Variants in NELL2 observed in about 807,000 individuals in gnomAD.
NELL2 encodes neural EGFL like 2.
NELL2 carries 41 observed loss-of-function variants against 109.6 expected under a neutral mutation model. The observed-to-expected ratio is 0.37, with a 90% confidence interval of 0.29 to 0.49. NELL2 has a LOEUF of 0.49. NELL2 is among the 20% of genes least tolerant of loss of function. The pLI is 0.98. For missense variants in NELL2, 900 were observed against 1,008.3 expected (o/e 0.89, Z 1.45); for synonymous variants, 355 against 344.7 (o/e 1.03, Z -0.33).
At chr12:44,686,018 C>T (rs146345444) in intron 12 of NELL2, among the ~76,000 whole-genome samples, 5,502 of 152,234 alleles carry the variant, frequency 0.036, 357 homozygotes, top group African/African-American at 0.13. Context: ...TGTTTTCCAA[C>T]TTGGTTCCAT....
chr12:44,540,601 C>A (rs1942509360), intron 15 of NELL2, among the ~76,000 whole-genome samples: 2 of 151,906 alleles, frequency 1.3e-5, no homozygotes, highest in African/African-American at 4.8e-5. Context: ...CAGTTACCCT[C>A]AAAGGGCAGA....
Position 44,577,491 on chromosome 12 carries a change from T to TTCC in NELL2, c.1663+29677_1663+29678insGGA, listed in dbSNP as rs1339996401. On this transcript the variant is annotated intron_variant, in intron 15 of 19. Coordinates refer to ENST00000429094, the MANE Select transcript of NELL2 (RefSeq NM_001145108.2). The stretch of plus-strand genomic sequence containing the variant: ...TTTTTTTTTTTTTTTTTTTTTTTTT[T>TTCC]TGAGATGGAGTCTTGCTCTGTCTCC... 3.4e-4 allele frequency among the ~76,000 whole-genome samples: 47 copies of TTCC among 137,426 alleles called. 2 individuals carry two copies. The highest frequency in any genetic ancestry group is 1.4e-3 in the African/African-American group (46 of 31,926). The allele number at this position is 137,426 out of a possible 152,430, so 90.2% of individuals were successfully genotyped here.
At chr12:44,572,095 A>G (rs1943894442) in intron 15 of NELL2, among the ~76,000 whole-genome samples, 1 of 152,136 alleles carries the variant, frequency 6.6e-6, no homozygotes, top group South Asian at 2.1e-4. Flanking sequence ...GCCCATCATT[A>G]CATTTTATTT....
chr12:44,729,409 A>C (rs1294658541), intron 9 of NELL2, among the ~76,000 whole-genome samples: 2 of 152,102 alleles, frequency 1.3e-5, no homozygotes, highest in Non-Finnish European at 2.9e-5. Flanking sequence ...AATCAAGGAA[A>C]CACAAAGGAA....
rs1290870891 is a variant in NELL2 at position 44,523,503 on chromosome 12, A to G, written c.1805-19T>C. 2 of 1,609,688 alleles carry G rather than the reference A, an allele frequency of 1.2e-6. No homozygotes were observed. Among genetic ancestry groups the G allele is most frequent in the South Asian group, 2.2e-5 (2 of 91,054 alleles). On this transcript the variant is annotated intron_variant, in intron 16 of 19. Transcript: ENST00000429094. ...TCAATATCTATAGACAAGAAAAAGC[A>G]GCACTCAATGTGCTTAGAATATGTG...
chr12:44,555,927 G>A (rs1943235336), intron 15 of NELL2, among the ~76,000 whole-genome samples: 1 of 152,180 alleles, frequency 6.6e-6, no homozygotes, highest in South Asian at 2.1e-4. Context: ...ATAAAGCTAT[G>A]AAGGCTCACA....
intron 2 of NELL2, among the ~76,000 whole-genome samples, chr12:44,837,122 A>G (rs778894230): frequency 3.9e-5 from 6 of 152,192 alleles, no homozygotes; most frequent in Non-Finnish European, 7.3e-5. Context: ...AAGAGCTACT[A>G]TTTACTGACT....
At chr12:44,638,229 C>T (rs1314852819) in intron 13 of NELL2, among the ~76,000 whole-genome samples, 1 of 152,090 alleles carries the variant, frequency 6.6e-6, no homozygotes, top group African/African-American at 2.4e-5. Flanking sequence ...TTATTCTGTT[C>T]CGACCAGACG....
chr12:44,891,062 T>C (rs960295698), intron 1 of NELL2, among the ~76,000 whole-genome samples: 2 of 152,158 alleles, frequency 1.3e-5, no homozygotes, highest in Non-Finnish European at 2.9e-5. Context: ...CTACTAGTAG[T>C]GGAAAAGGCA....
chr12:44,696,191 A>G lies in NELL2; in HGVS notation c.1318+7535T>C, dbSNP rs979268957. ...ATCAGTGTTTTTATTGATATAAACG[A>G]TGAAGTTTAAAAAACAGTTACTTGA... On this transcript the variant is annotated intron_variant, in intron 12 of 19. Transcript: ENST00000429094. 2.6e-5 allele frequency among the ~76,000 whole-genome samples: 4 copies of G among 152,212 alleles called. No individual in the cohort carries two copies. The East Asian group carries it at 7.7e-4, about 29-fold the overall frequency.
chr12:44,855,389 T>C (rs1022156269), intron 2 of NELL2, among the ~76,000 whole-genome samples: 2 of 152,232 alleles, frequency 1.3e-5, no homozygotes, highest in Non-Finnish European at 2.9e-5. Context: ...ATCTGGGAAT[T>C]ATTGCTCTAG....
intron 9 of NELL2, among the ~76,000 whole-genome samples, chr12:44,716,590 C>T (rs1362217354): frequency 1.3e-5 from 2 of 151,942 alleles, no homozygotes; most frequent in Non-Finnish European, 2.9e-5. Context: ...AACTCAGTAA[C>T]CTCAACATAC....
chr12:44,790,046 C>T (rs1201106822), intron 3 of NELL2, among the ~76,000 whole-genome samples: 1 of 152,120 alleles, frequency 6.6e-6, no homozygotes, highest in African/African-American at 2.4e-5. Flanking sequence ...GCTTGGAAAA[C>T]ATATTTGGGG....
At chr12:44,750,629 T>C (rs1411495479) in intron 9 of NELL2, among the ~76,000 whole-genome samples, 1 of 152,172 alleles carries the variant, frequency 6.6e-6, no homozygotes, top group African/African-American at 2.4e-5. Context: ...AGGAATCTTT[T>C]TCATTCTTTT....
chr12:44,780,912 AG>A (rs1181796689), intron 3 of NELL2, among the ~76,000 whole-genome samples: 1 of 152,146 alleles, frequency 6.6e-6, no homozygotes, highest in Non-Finnish European at 1.5e-5. Context: ...CTGACAAAGC[AG>A]TGTCAGAGAA....
At chr12:44,767,797 C>T (rs545103232) in intron 9 of NELL2, among the ~76,000 whole-genome samples, 15 of 152,084 alleles carry the variant, frequency 9.9e-5, no homozygotes, top group African/African-American at 3.6e-4. Context: ...CCTAGACAGG[C>T]AATGTGAGTA....
At chr12:44,722,863 A>T (rs1938855910) in intron 9 of NELL2, among the ~76,000 whole-genome samples, 1 of 152,098 alleles carries the variant, frequency 6.6e-6, no homozygotes, top group South Asian at 2.1e-4. Context: ...TCAACAATAG[A>T]TGCATATTAA....
chr12:44,720,056 T>A (rs1473441124), intron 9 of NELL2, among the ~76,000 whole-genome samples: 2 of 152,170 alleles, frequency 1.3e-5, no homozygotes. Context: ...TGGACTCACT[T>A]GGAGTCAATT....
At chr12:44,669,218 A>G (rs1368003725) in intron 12 of NELL2, among the ~76,000 whole-genome samples, 1 of 152,156 alleles carries the variant, frequency 6.6e-6, no homozygotes, top group African/African-American at 2.4e-5. Flanking sequence ...CTAAACCAAC[A>G]ATACGTACAC....
Sources: gnomAD v4.1 joint callset for allele counts (sites outside exome capture counted in the v4.1 genomes callset) on GRCh38, gnomAD v4.1.1 for gene constraint, MANE v1.5 for transcripts, NCBI Gene and HGNC (gene_info 2026-07-23, HGNC 2026-07-21) for gene names.